The following ACADL variants were observed in gnomAD, a reference collection of about 807,000 sequenced individuals.
ACADL encodes long-chain specific acyl-CoA dehydrogenase, mitochondrial.
In ACADL, 60 loss-of-function variants were observed where a neutral mutation model predicts 56.9. The ratio of observed to expected loss-of-function variants is 1.05; its 90% CI spans 0.86 to 1.31. The LOEUF is 1.31. Ranked by LOEUF, ACADL falls within the 50% of genes most tolerant of loss-of-function variation. The pLI is 0.00. For synonymous variants in ACADL, 158 were observed against 179.7 expected, an observed-to-expected ratio of 0.88 and a Z score of 0.97; for missense variants, 484 against 525.5, an observed-to-expected ratio of 0.92 and a Z score of 0.77.
At chr2:210,204,437 C>A in intron 7 of ACADL, 144 bp downstream of exon 7, 1 of 653,068 alleles carries the variant, frequency 1.5e-6, no homozygotes, top group South Asian at 1.8e-5. Context: ...ACTTTTATTA[C>A]AACTTTAATA....
At chr2:210,216,741 G>T (rs572493719) in intron 3 of ACADL, 11 of 474,570 alleles carry the variant, frequency 2.3e-5, no homozygotes, top group Non-Finnish European at 3.4e-5. Flanking sequence ...ATTTAATTGA[G>T]AGATAAAATA....
At chr2:210,196,166 C>T (rs1475352621) in intron 8 of ACADL, among the ~76,000 whole-genome samples, 1 of 152,016 alleles carries the variant, frequency 6.6e-6, no homozygotes, top group South Asian at 2.1e-4. Context: ...CGCTGTTTTG[C>T]CTGCTACCAT....
chr2:210,216,557 A>G (rs766063127), intron 3 of ACADL, 46 bp from the exon 4 acceptor site: 2 of 1,544,444 alleles, frequency 1.3e-6, no homozygotes, highest in South Asian at 1.1e-5. Flanking sequence ...AATAGCAATA[A>G]AAAACGACTA....
Position 210,207,046 on chromosome 2 carries a change from T to C in ACADL, c.604-1250A>G, listed in dbSNP as rs562185056. 5.3e-5 allele frequency among the ~76,000 whole-genome samples: 8 copies of C among 152,326 alleles called. No individual in the cohort carries two copies. In the South Asian group the frequency reaches 1.7e-3, roughly 32 times the overall value. On this transcript the variant is annotated intron_variant, in intron 5 of 10. Coordinates refer to ENST00000233710, the MANE Select transcript of ACADL (RefSeq NM_001608.4). ...ATGAATGCTTCAATAAATTACATTA[T>C]CATCCTGCTTCATATTCAATTCAGC...
At chr2:210,212,945 C>G (rs1038128893) in intron 4 of ACADL, among the ~76,000 whole-genome samples, 7 of 152,170 alleles carry the variant, frequency 4.6e-5, no homozygotes, top group African/African-American at 1.7e-4. Context: ...CAGGAGAGTT[C>G]CCACCATTCC....
At chr2:210,215,833 G>T (rs895950110) in intron 4 of ACADL, among the ~76,000 whole-genome samples, 9 of 151,958 alleles carry the variant, frequency 5.9e-5, no homozygotes, top group African/African-American at 2.2e-4. Context: ...ATATATACTT[G>T]CTTATTTCTT....
intron 4 of ACADL, among the ~76,000 whole-genome samples, chr2:210,212,762 T>G (rs1223770761): frequency 3.3e-5 from 5 of 152,144 alleles, no homozygotes; most frequent in African/African-American, 4.8e-5. Context: ...TTTATATGCT[T>G]GGTGCCTAGC....
rs955150394 is a variant in ACADL, at chr2:210,190,031, C to CT, written c.1200-978dup. Among the ~76,000 whole-genome samples, 23 of 147,994 alleles carry CT rather than the reference C, an allele frequency of 1.6e-4. 1 individual carries two copies. Among genetic ancestry groups the CT allele is most frequent in the South Asian group, 6.4e-4 (3 of 4,654 alleles). ...CTGGTAGACACACTCAAAGGCTTTT[C>CT]TTTTTTTTTTCTCAAGTATAATCTT... On this transcript the variant is annotated intron_variant, in intron 10 of 10. Transcript: ENST00000233710.
intron 1 of ACADL, among the ~76,000 whole-genome samples, chr2:210,221,603 C>T (rs1575683100): frequency 6.6e-6 from 1 of 152,078 alleles, no homozygotes; most frequent in Non-Finnish European, 1.5e-5. Flanking sequence ...GTATTTCTTC[C>T]TTAGTTGGAC....
At chr2:210,215,704 A>G (rs1689074670) in intron 4 of ACADL, among the ~76,000 whole-genome samples, 2 of 152,180 alleles carry the variant, frequency 1.3e-5, no homozygotes, top group Admixed American at 6.5e-5. Context: ...TCACATCTAA[A>G]TTCGTTTTTC....
At chr2:210,223,699 C>G (rs1192575741) in intron 1 of ACADL, among the ~76,000 whole-genome samples, 1 of 152,116 alleles carries the variant, frequency 6.6e-6, no homozygotes, top group Non-Finnish European at 1.5e-5. Flanking sequence ...TTCTATTATG[C>G]CAGACATTAA....
chr2:210,201,107 G>A (rs1204467074), intron 8 of ACADL, among the ~76,000 whole-genome samples: 1 of 152,124 alleles, frequency 6.6e-6, no homozygotes, highest in Non-Finnish European at 1.5e-5. Context: ...TGGGAGGACG[G>A]GGTGGAGCCT....
At chr2:210,192,056 C>A (rs974476880) in intron 10 of ACADL, among the ~76,000 whole-genome samples, 1 of 151,388 alleles carries the variant, frequency 6.6e-6, no homozygotes, top group Non-Finnish European at 1.5e-5. Context: ...GGAAATAAAT[C>A]TATTTAGAAA....
chr2:210,223,552 C>T (rs1689212454), intron 1 of ACADL, among the ~76,000 whole-genome samples: 1 of 152,130 alleles, frequency 6.6e-6, no homozygotes, highest in African/African-American at 2.4e-5. Flanking sequence ...CTGTAGCCCC[C>T]CAGCCCATTC....
intron 1 of ACADL, among the ~76,000 whole-genome samples, chr2:210,222,828 A>G (rs1364981775): frequency 6.6e-6 from 1 of 152,350 alleles, no homozygotes; most frequent in East Asian, 1.9e-4. Context: ...GTTGCATCAA[A>G]TAAACTAACA....
At chr2:210,205,840 ATTCTATG>A (rs1021510448) in intron 5 of ACADL, 44 bp from the exon 6 acceptor site, 1 of 1,605,774 alleles carries the variant, frequency 6.2e-7, no homozygotes, top group African/African-American at 1.3e-5. Flanking sequence ...TGATAATTCA[ATTCTATG>A]TGCAAGTTAT....
intron 4 of ACADL, among the ~76,000 whole-genome samples, chr2:210,212,996 C>A (rs898397721): frequency 4.6e-5 from 7 of 152,144 alleles, no homozygotes; most frequent in Non-Finnish European, 7.3e-5. Flanking sequence ...ACTGTTTGCG[C>A]AAACAATTTG....
In ACADL at chr2:210,224,536, C is replaced by T. The variant is rs1342970689; in HGVS notation, c.77+651G>A. The T allele has an allele frequency of 2.0e-5, 20 of 985,306 alleles. No individual in the cohort carries two copies. The South Asian group carries it at 8.0e-4, about 39-fold the overall frequency. 61.0% of individuals were successfully genotyped at this position (985,306 alleles called of 1,614,324 possible). On this transcript the variant is annotated intron_variant, in intron 1 of 10. Transcript: ENST00000233710. ...CTGAAACTTTTGATCATATTATAAA[C>T]ACCACCTTAGTAGTCACTGAACTAC...
At chr2:210,199,895 C>G (rs185369061) in intron 8 of ACADL, among the ~76,000 whole-genome samples, 83 of 152,148 alleles carry the variant, frequency 5.5e-4, no homozygotes, top group Non-Finnish European at 8.8e-5. Context: ...CAGACACACA[C>G]CACCACACCT....
Sources: allele counts gnomAD v4.1 joint callset (sites outside exome capture counted in the v4.1 genomes callset), GRCh38; gene constraint gnomAD v4.1.1; transcripts MANE v1.5; gene names NCBI Gene and HGNC (gene_info 2026-07-23, HGNC 2026-07-21).